NUP93: variants seen among roughly 807,000 people sequenced by gnomAD.
NUP93 encodes the protein nuclear pore complex protein Nup93.
A neutral mutation model predicts 107.8 loss-of-function variants in NUP93; 55 were observed. That is an observed-to-expected ratio of 0.51 (90% CI 0.41 to 0.64). NUP93 has a LOEUF of 0.64. Ranked by LOEUF, NUP93 falls within the 30% of genes least tolerant of loss-of-function variation. The pLI is 0.00. For synonymous variants in NUP93, 390 were observed against 397.5 expected (o/e 0.98, Z 0.22); for missense variants, 937 against 1,044.7 (o/e 0.90, Z 1.42).
At chr16:56,771,717 A>G (rs1351822669) in intron 3 of NUP93, among the ~76,000 whole-genome samples, 2 of 152,208 alleles carry the variant, frequency 1.3e-5, no homozygotes, top group African/African-American at 4.8e-5. Context: ...TCTGAGATAT[A>G]CTTTGGAACA....
At chr16:56,817,910 T>G (rs530242492) in intron 5 of NUP93, among the ~76,000 whole-genome samples, 21 of 152,352 alleles carry the variant, frequency 1.4e-4, no homozygotes, top group Admixed American at 9.8e-4. Flanking sequence ...AAGTATACTT[T>G]ATGAAGTCCA....
intron 3 of NUP93, among the ~76,000 whole-genome samples, chr16:56,760,282 T>C (rs746131248): frequency 1.3e-5 from 2 of 152,144 alleles, no homozygotes; most frequent in Non-Finnish European, 2.9e-5. Flanking sequence ...AATCCCAGCA[T>C]GGTAGGAGGC....
chr16:56,810,054 T>C (rs1037228342), intron 5 of NUP93, among the ~76,000 whole-genome samples: 7 of 152,228 alleles, frequency 4.6e-5, no homozygotes, highest in Non-Finnish European at 7.3e-5. Flanking sequence ...GATAATGGGA[T>C]GTTCTTTCTT....
At chr16:56,730,625 C>G (rs1428800338) in intron 1 of NUP93, among the ~76,000 whole-genome samples, 3 of 152,174 alleles carry the variant, frequency 2.0e-5, no homozygotes, top group Non-Finnish European at 4.4e-5. Flanking sequence ...CGTGGACACA[C>G]CCTGTAGGGA....
At chr16:56,816,794 GAT>G (rs1432558943) in intron 5 of NUP93, among the ~76,000 whole-genome samples, 4 of 152,138 alleles carry the variant, frequency 2.6e-5, no homozygotes, top group Non-Finnish European at 5.9e-5. Context: ...CGGTCTAGTT[GAT>G]ATCACCTTGA....
intron 5 of NUP93, among the ~76,000 whole-genome samples, chr16:56,810,381 C>T (rs1437914791): frequency 1.3e-5 from 2 of 152,188 alleles, no homozygotes; most frequent in Non-Finnish European, 2.9e-5. Context: ...GTAATTCCAG[C>T]ATTTTGGGAG....
At chr16:56,761,962 G>A (rs1962135281) in intron 3 of NUP93, among the ~76,000 whole-genome samples, 1 of 152,138 alleles carries the variant, frequency 6.6e-6, no homozygotes, top group African/African-American at 2.4e-5. Context: ...AATATATGTA[G>A]GGATGATACT....
At chr16:56,752,115 A>G (rs1208225245) in intron 2 of NUP93, among the ~76,000 whole-genome samples, 1 of 152,198 alleles carries the variant, frequency 6.6e-6, no homozygotes, top group South Asian at 2.1e-4. Flanking sequence ...AAATCCTGGT[A>G]TATATTAAAA....
chr16:56,794,927 CAAAAAAAAAAAAAA>C (rs747651772), intron 3 of NUP93, among the ~76,000 whole-genome samples: 134 of 71,950 alleles, frequency 1.9e-3, no homozygotes, highest in African/African-American at 7.3e-3. Flanking sequence ...GACTCTGTCT[CAAAAAAAAAAAAAA>C]AAAAAAAAAA....
At chr16:56,742,656 G>A (rs1961757855) in intron 1 of NUP93, among the ~76,000 whole-genome samples, 1 of 152,200 alleles carries the variant, frequency 6.6e-6, no homozygotes, top group Non-Finnish European at 1.5e-5. Context: ...CTAGAAACTG[G>A]GCAAGTGTTT....
chr16:56,808,242 G>GTTATA (rs1963205521), intron 5 of NUP93, among the ~76,000 whole-genome samples: 3 of 19,620 alleles, frequency 1.5e-4, no homozygotes, highest in Admixed American at 7.9e-4. Flanking sequence ...ATATAGTTAT[G>GTTATA]TAACTATATA....
chr16:56,836,751 A>C, intron 17 of NUP93, 34 bp downstream of exon 17: 1 of 1,390,960 alleles, frequency 7.2e-7, no homozygotes, highest in East Asian at 2.3e-5. Context: ...TTTGCACTTC[A>C]CAGGTCTGCT....
chr16:56,805,772 C>T (rs745339326), intron 5 of NUP93, 140 bp downstream of exon 5: 159 of 920,620 alleles, frequency 1.7e-4, no homozygotes, highest in Non-Finnish European at 2.4e-4. Context: ...TTTAGGATGC[C>T]GCATTTGCCT....
rs539110086 is a variant in NUP93, at chr16:56,808,748, A to G, written c.489+3116A>G. 1.4e-3 allele frequency among the ~76,000 whole-genome samples: 200 copies of G among 143,050 alleles called. 3 individuals are homozygous for G. Among genetic ancestry groups the G allele is most frequent in the African/African-American group, 4.0e-3 (157 of 39,354 alleles). The allele number at this position is 143,050 out of a possible 152,430, so 93.8% of individuals were successfully genotyped here. ...ATAAATACATATATAAAATACATAT[A>G]TAAATATATAAAAATACATATATAT... is the stretch of plus-strand genomic sequence containing the variant. On this transcript the variant is annotated intron_variant, in intron 5 of 21. Coordinates refer to ENST00000308159, the MANE Select transcript of NUP93 (RefSeq NM_014669.5).
At chr16:56,753,992 A>G (rs1363967684) in intron 2 of NUP93, among the ~76,000 whole-genome samples, 1 of 151,772 alleles carries the variant, frequency 6.6e-6, no homozygotes, top group Non-Finnish European at 1.5e-5. Flanking sequence ...TTTTTAATGA[A>G]GAAAAGAGGT....
At chr16:56,773,978 T>TA in intron 3 of NUP93, among the ~76,000 whole-genome samples, 1 of 152,332 alleles carries the variant, frequency 6.6e-6, no homozygotes, top group African/African-American at 2.4e-5. Context: ...CATATATATT[T>TA]AAAAACTTAT....
chr16:56,792,204 AAAC>A (rs1962781682), intron 3 of NUP93, among the ~76,000 whole-genome samples: 2 of 152,110 alleles, frequency 1.3e-5, no homozygotes, highest in African/African-American at 2.4e-5. Context: ...ACAAACAAAA[AAAC>A]AAAAAACTGG....
chr16:56,748,622 C>T (rs1374166017), intron 2 of NUP93, among the ~76,000 whole-genome samples, 196 bp downstream of exon 2: 1 of 152,104 alleles, frequency 6.6e-6, no homozygotes, highest in Non-Finnish European at 1.5e-5. Flanking sequence ...AGCCTGTCTG[C>T]CTCACCAAGT....
Position 56,807,056 on chromosome 16 carries a change from C to T in NUP93, c.489+1424C>T, listed in dbSNP as rs373565613. 1.8e-4 allele frequency among the ~76,000 whole-genome samples: 28 copies of T among 152,338 alleles called. No individual in the cohort carries two copies. The South Asian group carries it at 5.8e-3, about 32-fold the overall frequency. Reference sequence around the variant, plus strand: ...CACATGGAATGAAAACCAAAGTCTTCACTTTGACATGTGGGTCCCTACATG... The same window carrying T: ...CACATGGAATGAAAACCAAAGTCTTTACTTTGACATGTGGGTCCCTACATG... On this transcript the variant is annotated intron_variant, in intron 5 of 21. Coordinates refer to ENST00000308159, the MANE Select transcript of NUP93 (RefSeq NM_014669.5).
Sources: gnomAD v4.1 joint callset for allele counts (sites outside exome capture counted in the v4.1 genomes callset) on GRCh38, gnomAD v4.1.1 for gene constraint, MANE v1.5 for transcripts, NCBI Gene and HGNC (gene_info 2026-07-23, HGNC 2026-07-21) for gene names.